PRC1: variants seen among roughly 807,000 people sequenced by gnomAD.
PRC1 encodes the protein anaphase spindle elongation 1 homolog.
A neutral mutation model predicts 91.2 loss-of-function variants in PRC1; 54 were observed. That is an observed-to-expected ratio of 0.59 (90% CI 0.48 to 0.74). PRC1 has a LOEUF of 0.74. PRC1 is among the 30% of genes least tolerant of loss of function. The pLI, the probability that PRC1 is intolerant of heterozygous loss-of-function variation, is 0.00. For synonymous variants in PRC1, 275 were observed against 263.6 expected, an observed-to-expected ratio of 1.04 and a Z score of -0.42; for missense variants, 727 against 746.2, an observed-to-expected ratio of 0.97 and a Z score of 0.30.
intron 1 of PRC1, among the ~76,000 whole-genome samples, chr15:90,991,718 G>C (rs927705394): frequency 6.6e-6 from 1 of 151,960 alleles, no homozygotes; most frequent in African/African-American, 2.4e-5. Context: ...CACTCCTCCT[G>C]ACCTCTGCTG....
At chr15:90,983,905 C>G (rs1479003363) in intron 3 of PRC1, 113 bp downstream of exon 3, 3 of 1,377,436 alleles carry the variant, frequency 2.2e-6, no homozygotes, top group African/African-American at 2.9e-5. Flanking sequence ...CCACTTCTTA[C>G]GTCTAGCTCC....
At position 90,984,628 on chromosome 15, in the gene PRC1, A is replaced by G; in HGVS notation, c.144+65T>C. The stretch of plus-strand genomic sequence containing the variant: ...TGATCACATGTCCCTTCTGTATGCT[A>G]TCTCGGGTGAGACACCAACATCCTT... On this transcript the variant is annotated intron_variant, in intron 2 of 14. Transcript: ENST00000394249. This position sits in a 1 kb window ranked among gnomAD's most constrained non-coding sequence, Gnocchi z 5.1. 6 of 1,585,368 alleles carry G rather than the reference A, an allele frequency of 3.8e-6. No individual in the cohort carries two copies. The highest frequency in any genetic ancestry group is 5.2e-6 in the Non-Finnish European group (6 of 1,159,540).
chr15:90,976,680 GGCA>G lies in PRC1; in HGVS notation c.1196_1198del (p.Leu399del). ...AACCCTTAGCAACATTATTACCTTG[GGCA>G]GCATTTTCTGGAGCTTGGCTCGTTG... On this transcript the variant is annotated inframe_deletion, in exon 9 of 15. Transcript: ENST00000394249. 1 of 1,607,716 alleles carries G rather than the reference GGCA, an allele frequency of 6.2e-7. No homozygotes were observed. Among genetic ancestry groups the G allele is most frequent in the Non-Finnish European group, 8.5e-7 (1 of 1,174,532 alleles).
chr15:90,993,211 C>T (rs1267109359), intron 1 of PRC1, among the ~76,000 whole-genome samples: 5 of 123,056 alleles, frequency 4.1e-5, no homozygotes, highest in Non-Finnish European at 5.0e-5. Context: ...TGTTAATGGA[C>T]TTTTTTTTTT....
intron 11 of PRC1, among the ~76,000 whole-genome samples, chr15:90,971,583 AC>A (rs1459525587): frequency 1.5e-5 from 2 of 131,692 alleles, no homozygotes; most frequent in Admixed American, 1.5e-4. Context: ...TACCCAGCCA[AC>A]ACTTTTTTTT....
chr15:90,990,485 C>A (rs2039912519), intron 1 of PRC1, among the ~76,000 whole-genome samples: 1 of 150,782 alleles, frequency 6.6e-6, no homozygotes, highest in Non-Finnish European at 1.5e-5. Context: ...CTTGGGCTCC[C>A]AAAGTGCTGG....
intron 8 of PRC1, among the ~76,000 whole-genome samples, chr15:90,978,064 G>A (rs2038882945): frequency 6.6e-6 from 1 of 152,156 alleles, no homozygotes; most frequent in Non-Finnish European, 1.5e-5. Flanking sequence ...GGCCCTCTGA[G>A]CTCTAACAGG....
At position 90,984,048 on chromosome 15, in the gene PRC1, C is replaced by G. The variant is rs1263506391; in HGVS notation, c.237G>C (p.Leu79=). The stretch of plus-strand genomic sequence containing the variant: ...ATGGCTCAACATGTAACTCGCTGCA[C>G]AGAGTGTTCAGCTCTTTCTGACAGA... The part of the protein sequence containing the change: ...ISVCQKELNT[L]CSELHVEPFQ... The change falls in exon 3 of 15, where the codon CTG becomes CTC. Residue 79 remains leucine (L), a synonymous_variant. Coordinates refer to ENST00000394249, the MANE Select transcript of PRC1 (RefSeq NM_003981.4). This position sits in a 1 kb window ranked among gnomAD's most constrained non-coding sequence, Gnocchi z 5.1. 3 of 1,614,154 alleles carry G rather than the reference C, an allele frequency of 1.9e-6. No individual in the cohort carries two copies. The South Asian group carries it at 3.3e-5, about 18-fold the overall frequency.
chr15:90,992,622 C>A (rs74037603), intron 1 of PRC1, among the ~76,000 whole-genome samples: 3,271 of 152,004 alleles, frequency 0.022, 116 homozygotes, highest in African/African-American at 0.075. Context: ...TGCTTCAGAG[C>A]AATCATTATG....
intron 3 of PRC1, among the ~76,000 whole-genome samples, chr15:90,982,403 C>T (rs1215535475): frequency 6.6e-6 from 1 of 152,174 alleles, no homozygotes; most frequent in East Asian, 1.9e-4. Context: ...CACCATTCTA[C>T]CTTTTGTCTC....
chr15:90,966,365 G>GAACA lies in PRC1; in HGVS notation c.*762_*765dup, dbSNP rs1255036821. On this transcript the variant is annotated 3_prime_UTR_variant, in exon 15 of 15. Coordinates refer to ENST00000394249, the MANE Select transcript of PRC1 (RefSeq NM_003981.4). ...ACGACAAAGACAGCTCAACCCATTG[G>GAACA]AACAAACAGACTCCCAATGTGGCTG... 19 of 331,820 alleles carry GAACA rather than the reference G, an allele frequency of 5.7e-5. No homozygotes were observed. The highest frequency in any genetic ancestry group is 8.2e-5 in the East Asian group (1 of 12,152). 20.6% of individuals were successfully genotyped at this position (331,820 alleles called of 1,614,324 possible).
chr15:90,986,388 G>C (rs2039576166), intron 1 of PRC1, among the ~76,000 whole-genome samples: 1 of 152,190 alleles, frequency 6.6e-6, no homozygotes, highest in African/African-American at 2.4e-5. Context: ...CAGGACTCTG[G>C]GAGGCCGAGG....
chr15:90,981,832 G>C lies in PRC1; in HGVS notation c.417C>G (p.His139Gln). The stretch of plus-strand genomic sequence containing the variant: ...GCACTGAGGCACTGTCAATATCATA[G>C]TGGGGCATACAAAGAATTTCGCACA... ...QELCEILCMP[H>Q]YDIDSASVPS... The change falls in exon 4 of 15, where the codon CAC becomes CAG. Residue 139 changes from histidine (H) to glutamine (Q), a missense_variant. His to Gln is a conservative substitution (Grantham distance 24, BLOSUM62 0). Coordinates refer to ENST00000394249, the MANE Select transcript of PRC1 (RefSeq NM_003981.4). The C allele has an allele frequency of 1.2e-6, 2 of 1,614,234 alleles. No homozygotes were observed. Among genetic ancestry groups the C allele is most frequent in the Non-Finnish European group, 1.7e-6 (2 of 1,180,044 alleles).
rs549119644 is a variant in PRC1, at chr15:90,967,900, G to A, written c.1792-698C>T. ...TAGGCAACAAGCTTTGGTCTCTTGAGCCCTTTATAAAACAATGGGCCAGAA... is the reference window on the plus strand; with the variant it reads ...TAGGCAACAAGCTTTGGTCTCTTGAACCCTTTATAAAACAATGGGCCAGAA... On this transcript the variant is annotated intron_variant, in intron 14 of 14. Coordinates refer to ENST00000394249, the MANE Select transcript of PRC1 (RefSeq NM_003981.4). The A allele has an allele frequency of 6.1e-6, 6 of 985,466 alleles. No homozygotes were observed. The African/African-American group carries it at 8.7e-5, about 14-fold the overall frequency. 61.0% of individuals were successfully genotyped at this position (985,466 alleles called of 1,614,324 possible). A position where few individuals can be genotyped will look rare whatever the true frequency, so the allele number is the denominator to read the frequency against.
At position 90,966,789 on chromosome 15, in the gene PRC1, T is replaced by C. The variant is rs112187198; in HGVS notation, c.*342A>G. 128 of 434,326 alleles carry C rather than the reference T, an allele frequency of 2.9e-4. 3 individuals are homozygous for C. Among genetic ancestry groups the C allele is most frequent in the Admixed American group, 2.8e-3 (88 of 31,626 alleles). 26.9% of individuals were successfully genotyped at this position (434,326 alleles called of 1,614,324 possible). A position where few individuals can be genotyped will look rare whatever the true frequency, so the allele number is the denominator to read the frequency against. On this transcript the variant is annotated 3_prime_UTR_variant, in exon 15 of 15. Transcript: ENST00000394249. ...CCAAAATTACCCCCAGGGATGGGCA[T>C]AGTCAATCATTTTCCTACAGTGGTG...
chr15:90,994,016 T>C (rs372587682), intron 1 of PRC1, among the ~76,000 whole-genome samples: 32 of 152,320 alleles, frequency 2.1e-4, no homozygotes, highest in African/African-American at 7.7e-4. Flanking sequence ...ACGAGTCATC[T>C]GCGCCAAGCA....
Position 90,983,505 on chromosome 15 carries a change from G to C in PRC1, c.267+513C>G, listed in dbSNP as rs187735074. The stretch of plus-strand genomic sequence containing the variant: ...GCTCCATACCCAGATGGATGTCATG[G>C]CATGCTCTGAAATGGACTATGCACT... On this transcript the variant is annotated intron_variant, in intron 3 of 14. Transcript: ENST00000394249. Among the ~76,000 whole-genome samples the C allele has an allele frequency of 3.1e-3, 476 of 152,230 alleles. 4 individuals carry two copies. Among genetic ancestry groups the C allele is most frequent in the African/African-American group, 0.011 (451 of 41,532 alleles).
rs1369019346 is a variant in PRC1, at chr15:90,984,475, C to T, written c.144+218G>A. ...AACTCCTGACCTCAAGCAATCCATG[C>T]GCCTCGGCCTCCCAAAGTGCTGGGA... On this transcript the variant is annotated intron_variant, in intron 2 of 14. Transcript: ENST00000394249. The surrounding 1 kb of genome is among the most constrained non-coding windows in gnomAD (Gnocchi z 5.1). Among the ~76,000 whole-genome samples the T allele has an allele frequency of 1.3e-5, 2 of 152,134 alleles. No homozygotes were observed. The highest frequency in any genetic ancestry group is 2.4e-5 in the African/African-American group (1 of 41,414).
chr15:90,970,331 A>G, intron 12 of PRC1, 73 bp downstream of exon 12: 3 of 1,101,528 alleles, frequency 2.7e-6, no homozygotes, highest in South Asian at 2.7e-5. Context: ...AATCTAGAAC[A>G]AGTAGGTGGG....
Sources: allele counts gnomAD v4.1 joint callset (sites outside exome capture counted in the v4.1 genomes callset), GRCh38; gene constraint gnomAD v4.1.1; non-coding constraint Gnocchi (gnomAD v3.1); transcripts MANE v1.5; gene names NCBI Gene and HGNC (gene_info 2026-07-23, HGNC 2026-07-21).